IL1RAPL1: variants seen among roughly 807,000 people sequenced by gnomAD.
IL1RAPL1 encodes interleukin-1 receptor accessory protein-like 1.
IL1RAPL1 carries 3 observed loss-of-function variants against 48.4 expected under a neutral mutation model. The ratio of observed to expected loss-of-function variants is 0.06; its 90% CI spans 0.03 to 0.16. The LOEUF (loss-of-function observed/expected upper bound fraction) is 0.16, where lower values mean the gene tolerates loss of function less well. IL1RAPL1 is among the 10% of genes least tolerant of loss of function. The pLI, the probability that IL1RAPL1 is intolerant of heterozygous loss-of-function variation, is 1.00. For synonymous variants in IL1RAPL1, 185 were observed against 187.7 expected, an observed-to-expected ratio of 0.99 and a Z score of 0.12; for missense variants, 349 against 530.6, an observed-to-expected ratio of 0.66 and a Z score of 3.36.
rs1223032301 is a variant in IL1RAPL1, at chrX:29,332,819, G to A, written c.362+49602G>A. Among the ~76,000 whole-genome samples the A allele has an allele frequency of 2.0e-4, 22 of 110,087 alleles. No individual in the cohort carries two copies. In the East Asian group the frequency reaches 3.1e-3, roughly 16 times the overall value. On this transcript the variant is annotated intron_variant, in intron 3 of 10. Coordinates refer to ENST00000378993, the MANE Select transcript of IL1RAPL1 (RefSeq NM_014271.4). The stretch of plus-strand genomic sequence containing the variant: ...GCCTTCCGCAGTGTTTGTGTCCCTG[G>A]GTACTTAAGATTAGGGAGTGGTGAT...
intron 5 of IL1RAPL1, among the ~76,000 whole-genome samples, chrX:29,460,462 T>C (rs1934789976): frequency 8.9e-6 from 1 of 111,979 alleles, no homozygotes; most frequent in Non-Finnish European, 1.9e-5. Context: ...TCCCACTATG[T>C]CAAACAAACA....
chrX:28,722,290 C>T (rs1250669686), intron 1 of IL1RAPL1, among the ~76,000 whole-genome samples: 3 of 111,081 alleles, frequency 2.7e-5, no homozygotes, highest in Non-Finnish European at 5.7e-5. Context: ...GTTTGTAGTT[C>T]TCCTTGAAGA....
intron 1 of IL1RAPL1, among the ~76,000 whole-genome samples, chrX:28,592,344 A>G (rs1933914663): frequency 8.9e-6 from 1 of 111,814 alleles, no homozygotes; most frequent in Admixed American, 9.5e-5. Context: ...TACTTCACAG[A>G]CTGAGTACAT....
intron 9 of IL1RAPL1, 73 bp downstream of exon 9, chrX:29,941,867 A>G (rs1239751513): frequency 1.2e-4 from 112 of 969,873 alleles, no homozygotes; most frequent in Non-Finnish European, 1.6e-4. Flanking sequence ...TATTAAGGGG[A>G]AAAAAATTAC....
At chrX:29,261,702 C>T (rs774498921) in intron 2 of IL1RAPL1, among the ~76,000 whole-genome samples, 4 of 110,842 alleles carry the variant, frequency 3.6e-5, no homozygotes, top group Non-Finnish European at 5.6e-5. Context: ...AGCAGACAGA[C>T]TCTCCTGTAC....
At chrX:29,821,688 ATTTAAC>A (rs1381109714) in intron 6 of IL1RAPL1, among the ~76,000 whole-genome samples, 1 of 108,878 alleles carries the variant, frequency 9.2e-6, no homozygotes, top group African/African-American at 3.6e-5. Context: ...TAGAAAATTA[ATTTAAC>A]TTTAATGTAT....
chrX:29,884,588 T>C (rs1023561453), intron 6 of IL1RAPL1, among the ~76,000 whole-genome samples: 15 of 111,686 alleles, frequency 1.3e-4, no homozygotes, highest in Middle Eastern at 4.6e-3. Context: ...GAGCTCATCC[T>C]ATCTATATGC....
intron 2 of IL1RAPL1, among the ~76,000 whole-genome samples, chrX:29,172,245 A>G (rs1269241917): frequency 8.9e-6 from 1 of 111,870 alleles, no homozygotes; most frequent in Non-Finnish European, 1.9e-5. Context: ...CAATTGTATG[A>G]TCCTAGAATA....
chrX:29,453,702 G>A (rs1251816061), intron 5 of IL1RAPL1, among the ~76,000 whole-genome samples: 2 of 111,450 alleles, frequency 1.8e-5, no homozygotes, highest in African/African-American at 6.5e-5. Flanking sequence ...CTGTTTGGAC[G>A]TCTGTACATT....
At chrX:29,078,676 G>A (rs948693808) in intron 2 of IL1RAPL1, among the ~76,000 whole-genome samples, 1 of 111,993 alleles carries the variant, frequency 8.9e-6, no homozygotes, top group African/African-American at 3.2e-5. Context: ...TAATAGATCA[G>A]TATTTATTCT....
intron 2 of IL1RAPL1, among the ~76,000 whole-genome samples, chrX:29,211,292 C>T (rs1330145535): frequency 8.9e-6 from 1 of 111,965 alleles, no homozygotes. Context: ...GCATCTCATT[C>T]CCAATTATTT....
chrX:29,439,386 T>C (rs781478885), intron 5 of IL1RAPL1, among the ~76,000 whole-genome samples: 30 of 111,908 alleles, frequency 2.7e-4, no homozygotes, highest in Non-Finnish European at 4.9e-4. Flanking sequence ...AAAGGCACAA[T>C]GTCACTTCTA....
rs886476341 is a variant in IL1RAPL1 at position 29,743,301 on chromosome X, T to C, written c.778+74797T>C. Reference sequence around the variant, plus strand: ...AATAAATTTATATATAAATCATATCTATACACACAATGCTTTGTCATGTGG... The same window carrying C: ...AATAAATTTATATATAAATCATATCCATACACACAATGCTTTGTCATGTGG... On this transcript the variant is annotated intron_variant, in intron 6 of 10. Coordinates refer to ENST00000378993, the MANE Select transcript of IL1RAPL1 (RefSeq NM_014271.4). Among the ~76,000 whole-genome samples, 10 of 107,891 alleles carry C rather than the reference T, an allele frequency of 9.3e-5. 2 individuals are homozygous for C. Among genetic ancestry groups the C allele is most frequent in the Non-Finnish European group, 1.7e-4 (9 of 52,403 alleles). 93.7% of individuals were successfully genotyped at this position (107,891 alleles called of 115,157 possible).
intron 6 of IL1RAPL1, among the ~76,000 whole-genome samples, chrX:29,670,084 C>T (rs897259413): frequency 9.0e-6 from 1 of 111,277 alleles, no homozygotes; most frequent in African/African-American, 3.3e-5. Context: ...CTTTGCTTGA[C>T]AATATAATGA....
chrX:29,842,736 G>T (rs1023867331), intron 6 of IL1RAPL1, among the ~76,000 whole-genome samples: 1 of 112,245 alleles, frequency 8.9e-6, no homozygotes, highest in African/African-American at 3.2e-5. Context: ...TAGTTCAAAG[G>T]TCCCTGTTAC....
At chrX:28,769,873 A>G (rs1277524994) in intron 1 of IL1RAPL1, among the ~76,000 whole-genome samples, 1 of 112,038 alleles carries the variant, frequency 8.9e-6, no homozygotes, top group Non-Finnish European at 1.9e-5. Context: ...CCAAGAAGGA[A>G]TTGTAGTGAT....
At chrX:29,238,918 T>A (rs894521413) in intron 2 of IL1RAPL1, among the ~76,000 whole-genome samples, 2 of 111,955 alleles carry the variant, frequency 1.8e-5, no homozygotes, top group African/African-American at 6.5e-5. Context: ...AACTTTATTT[T>A]CAAAACAAAA....
At chrX:29,766,927 A>G (rs1928929799) in intron 6 of IL1RAPL1, among the ~76,000 whole-genome samples, 2 of 109,148 alleles carry the variant, frequency 1.8e-5, no homozygotes, top group African/African-American at 6.6e-5. Context: ...ACATAGTCAC[A>G]ACATAATTAT....
intron 3 of IL1RAPL1, among the ~76,000 whole-genome samples, chrX:29,355,164 T>C (rs1342400280): frequency 8.9e-6 from 1 of 112,139 alleles, no homozygotes; most frequent in Admixed American, 9.5e-5. Flanking sequence ...AGTGTGAATT[T>C]GCCTTACAAA....
Sources: allele counts gnomAD v4.1 joint callset (sites outside exome capture counted in the v4.1 genomes callset), GRCh38; gene constraint gnomAD v4.1.1; transcripts MANE v1.5; gene names NCBI Gene and HGNC (gene_info 2026-07-23, HGNC 2026-07-21).